Variants in CYTH3 observed in about 807,000 individuals in gnomAD.
CYTH3 encodes the protein cytohesin 3.
CYTH3 carries 23 observed loss-of-function variants against 55.1 expected under a neutral mutation model. The observed-to-expected ratio is 0.42, with a 90% CI of 0.30 to 0.59. The LOEUF is 0.59. CYTH3 is among the 20% of genes least tolerant of loss of function. CYTH3 has a pLI of 0.20. For synonymous variants in CYTH3, 249 were observed against 194.9 expected (o/e 1.28, Z -2.31); for missense variants, 413 against 524.8 (o/e 0.79, Z 2.08).
At chr7:6,195,372 TAATAC>T (rs1783900056) in intron 1 of CYTH3, among the ~76,000 whole-genome samples, 1 of 152,228 alleles carries the variant, frequency 6.6e-6, no homozygotes, top group African/African-American at 2.4e-5. Flanking sequence ...AAGATACAAA[TAATAC>T]AATTAACATA....
chr7:6,219,740 C>A (rs1358808051), intron 1 of CYTH3, among the ~76,000 whole-genome samples: 1 of 152,050 alleles, frequency 6.6e-6, no homozygotes, highest in Non-Finnish European at 1.5e-5. Context: ...AGAAACTCCA[C>A]TAGCTTGGAA....
At chr7:6,211,060 A>G (rs1389615038) in intron 1 of CYTH3, among the ~76,000 whole-genome samples, 1 of 152,220 alleles carries the variant, frequency 6.6e-6, no homozygotes, top group African/African-American at 2.4e-5. Context: ...TAAAACACAT[A>G]TGACTTCCCG....
At chr7:6,220,542 A>G (rs1225439486) in intron 1 of CYTH3, among the ~76,000 whole-genome samples, 1 of 150,722 alleles carries the variant, frequency 6.6e-6, no homozygotes, top group Non-Finnish European at 1.5e-5. Flanking sequence ...GAGAAGCTAC[A>G]GACTGGGAGA....
rs1377228364 is a variant in CYTH3, at chr7:6,187,711, T to C, written c.128A>G (p.Tyr43Cys). 1.9e-6 allele frequency: 3 copies of C among 1,614,134 alleles called. No individual in the cohort carries two copies. Among genetic ancestry groups the C allele is most frequent in the Non-Finnish European group, 2.5e-6 (3 of 1,179,970 alleles). ...CTCTGTCATCACCTCTGCAATTTCA[T>C]ATTTCAGCCTCTGTCAAAAAAGAAG... ...ELIDDIERLKYEIAEVMTEID... is the reference protein window; with the variant it reads ...ELIDDIERLKCEIAEVMTEID... The change falls in exon 3 of 13, where the codon TAT (tyrosine) becomes TGT (cysteine). Residue 43 changes from tyrosine to cysteine, a missense_variant. Physicochemically the swap from Tyr to Cys is radical, Grantham distance 194. Transcript: ENST00000350796.
intron 1 of CYTH3, among the ~76,000 whole-genome samples, chr7:6,221,474 G>C (rs80155623): frequency 1.4e-4 from 21 of 152,258 alleles, no homozygotes; most frequent in Middle Eastern, 3.4e-3. Flanking sequence ...TGTGGTGATG[G>C]AACAGTTCTG....
In CYTH3 at chr7:6,184,962, G is replaced by GA. The variant is rs1783599533; in HGVS notation, c.249+2087_249+2088insT. On this transcript the variant is annotated intron_variant, in intron 4 of 12. Coordinates refer to ENST00000350796, the MANE Select transcript of CYTH3 (RefSeq NM_004227.4). ...TTATCCATGAACTTACTGGTGTGCT[G>GA]CCCTGTGCTGCACTACTTGGGTCCC... Among the ~76,000 whole-genome samples the GA allele has an allele frequency of 2.6e-5, 4 of 152,162 alleles. No homozygotes were observed. In the South Asian group the frequency reaches 8.3e-4, roughly 31 times the overall value.
intron 1 of CYTH3, among the ~76,000 whole-genome samples, chr7:6,243,588 T>C (rs1468608821): frequency 1.3e-5 from 2 of 152,208 alleles, no homozygotes; most frequent in Non-Finnish European, 2.9e-5. Flanking sequence ...CAGTTGGAAA[T>C]ACATTTGGTT....
intron 3 of CYTH3, 112 bp from the exon 4 acceptor site, chr7:6,187,228 C>A (rs535734824): frequency 8.5e-7 from 1 of 1,178,438 alleles, no homozygotes; most frequent in African/African-American, 1.5e-5. Flanking sequence ...AAGCGAAGCA[C>A]AGGCCCTCAC....
chr7:6,193,377 CAAAA>C (rs759990952), intron 1 of CYTH3, among the ~76,000 whole-genome samples: 2 of 63,172 alleles, frequency 3.2e-5, no homozygotes, highest in Admixed American at 1.8e-4. Flanking sequence ...ACTCCCGTCT[CAAAA>C]AAAAAAAAAA....
At chr7:6,238,971 T>TG (rs1334405092) in intron 1 of CYTH3, among the ~76,000 whole-genome samples, 1 of 151,310 alleles carries the variant, frequency 6.6e-6, no homozygotes, top group Non-Finnish European at 1.5e-5. Context: ...TCCAGCACTT[T>TG]GGGAGACCAA....
In CYTH3 at chr7:6,272,396, A is replaced by G. The variant is rs1583214461; in HGVS notation, c.34+78T>C. 2.1e-5 allele frequency: 26 copies of G among 1,225,484 alleles called. No individual in the cohort carries two copies. The East Asian group carries it at 1.0e-3, about 48-fold the overall frequency. 75.9% of individuals were successfully genotyped at this position (1,225,484 alleles called of 1,614,324 possible). A position where few individuals can be genotyped will look rare whatever the true frequency, so the allele number is the denominator to read the frequency against. Reference sequence around the variant, plus strand: ...CGTCTCCTCCGGCGAACCCCGGCCCAGCGCCGCGCCCTCGACCCCCAGCCC... The same window carrying G: ...CGTCTCCTCCGGCGAACCCCGGCCCGGCGCCGCGCCCTCGACCCCCAGCCC... On this transcript the variant is annotated intron_variant, in intron 1 of 12. Transcript: ENST00000350796.
Position 6,169,819 on chromosome 7 carries a change from T to A in CYTH3, c.823+716A>T, listed in dbSNP as rs1467126952. Among the ~76,000 whole-genome samples the A allele has an allele frequency of 6.6e-6, 1 of 152,154 alleles. No homozygotes were observed. Among genetic ancestry groups the A allele is most frequent in the East Asian group, 1.9e-4 (1 of 5,180 alleles). ...CAGGGCTGGCTGTCTGCTTCTCTAC[T>A]GCTGCGGACCCCTAGAGACACAGGG... is the stretch of plus-strand genomic sequence containing the variant. On this transcript the variant is annotated intron_variant, in intron 9 of 12. Coordinates refer to ENST00000350796, the MANE Select transcript of CYTH3 (RefSeq NM_004227.4). The surrounding 1 kb of genome is among the most constrained non-coding windows in gnomAD (Gnocchi z 4.1).
chr7:6,255,666 T>G (rs1780080174), intron 1 of CYTH3, among the ~76,000 whole-genome samples: 1 of 151,936 alleles, frequency 6.6e-6, no homozygotes, highest in African/African-American at 2.4e-5. Flanking sequence ...CAGCTTCTAC[T>G]TCAAGTCTCT....
At chr7:6,190,654 C>T (rs1489091018) in intron 1 of CYTH3, 123 bp from the exon 2 acceptor site, 10 of 728,784 alleles carry the variant, frequency 1.4e-5, no homozygotes, top group Non-Finnish European at 2.1e-5. Context: ...TAAAGAAATG[C>T]TCCCATTGAG....
At position 6,167,629 on chromosome 7, in the gene CYTH3, C is replaced by G. The variant is rs957413921; in HGVS notation, c.824-1819G>C. Among the ~76,000 whole-genome samples the G allele has an allele frequency of 6.6e-6, 1 of 152,276 alleles. No homozygotes were observed. Among genetic ancestry groups the G allele is most frequent in the African/African-American group, 2.4e-5 (1 of 41,482 alleles). On this transcript the variant is annotated intron_variant, in intron 9 of 12. Coordinates refer to ENST00000350796, the MANE Select transcript of CYTH3 (RefSeq NM_004227.4). This position sits in a 1 kb window ranked among gnomAD's most constrained non-coding sequence, Gnocchi z 5.5. ...GGGTCCCACTGCACTCAGCTTTAAACCCAACTCCTTGGGCGGCAGCAGGGG... is the reference window on the plus strand; with the variant it reads ...GGGTCCCACTGCACTCAGCTTTAAAGCCAACTCCTTGGGCGGCAGCAGGGG...
Position 6,250,732 on chromosome 7 carries a change from TG to T in CYTH3, c.34+21741del, listed in dbSNP as rs1779940850. 2.6e-5 allele frequency among the ~76,000 whole-genome samples: 4 copies of T among 152,256 alleles called. No homozygotes were observed. The South Asian group carries it at 8.3e-4, about 32-fold the overall frequency. ...CAGGTTCTTTTTGAAGTGATAAAAA[TG>T]TTCTAAAATTAGATAGTGCTGATGG... On this transcript the variant is annotated intron_variant, in intron 1 of 12. Coordinates refer to ENST00000350796, the MANE Select transcript of CYTH3 (RefSeq NM_004227.4).
At chr7:6,208,699 A>C (rs1335076353) in intron 1 of CYTH3, among the ~76,000 whole-genome samples, 3 of 152,272 alleles carry the variant, frequency 2.0e-5, no homozygotes, top group Non-Finnish European at 4.4e-5. Flanking sequence ...GCCTGCTATC[A>C]TATCCAACTA....
At position 6,171,703 on chromosome 7, in the gene CYTH3, C is replaced by T. The variant is rs1583736362; in HGVS notation, c.450-389G>A. Reference sequence around the variant, plus strand: ...CAGCCGGTCCTCCTTTCAGAACTCCCACACATAAGGCAGAGCCATAGCCCA... The same window carrying T: ...CAGCCGGTCCTCCTTTCAGAACTCCTACACATAAGGCAGAGCCATAGCCCA... On this transcript the variant is annotated intron_variant, in intron 6 of 12. Transcript: ENST00000350796. This position sits in a 1 kb window ranked among gnomAD's most constrained non-coding sequence, Gnocchi z 6.7. 3.9e-6 allele frequency: 1 copy of T among 257,562 alleles called. No homozygotes were observed. Among genetic ancestry groups the T allele is most frequent in the East Asian group, 8.5e-5 (1 of 11,726 alleles). 16.0% of individuals were successfully genotyped at this position (257,562 alleles called of 1,614,324 possible). A position where few individuals can be genotyped will look rare whatever the true frequency, so the allele number is the denominator to read the frequency against.
At chr7:6,190,392 TTACTCAAAAGCAAAAAACAGA>T (rs1562888020) in intron 2 of CYTH3, 36 bp downstream of exon 2, 1 of 1,322,132 alleles carries the variant, frequency 7.6e-7, no homozygotes, top group South Asian at 1.6e-5. Flanking sequence ...TTTTACTATT[TTACTCAAAAGCAAAAAACAGA>T]GTTTTGGATT....
Sources: gnomAD v4.1 joint callset for allele counts (sites outside exome capture counted in the v4.1 genomes callset) on GRCh38, gnomAD v4.1.1 for gene constraint, Gnocchi (gnomAD v3.1) non-coding constraint, MANE v1.5 for transcripts, NCBI Gene and HGNC (gene_info 2026-07-23, HGNC 2026-07-21) for gene names.